The following GNG2 variants were observed in gnomAD, a reference collection of about 807,000 sequenced individuals.
GNG2 encodes guanine nucleotide-binding protein G(I)/G(S)/G(O) subunit gamma-2.
Under a neutral mutation model 5.5 loss-of-function variants are expected in GNG2, and 5 were observed. The ratio of observed to expected loss-of-function variants is 0.91; its 90% confidence interval spans 0.48 to 1.92. The LOEUF (loss-of-function observed/expected upper bound fraction) is 1.92. Among genes scored for constraint, GNG2 ranks in the 30% most tolerant of loss-of-function variants. GNG2 has a pLI of 0.01. For synonymous variants in GNG2, 28 were observed against 32.0 expected (o/e 0.88, Z 0.42); for missense variants, 55 against 88.4 (o/e 0.62, Z 1.52).
At chr14:51,904,671 T>C (rs1263869368) in intron 2 of GNG2, among the ~76,000 whole-genome samples, 2 of 152,194 alleles carry the variant, frequency 1.3e-5, no homozygotes, top group Non-Finnish European at 2.9e-5. Context: ...AATATTTTAA[T>C]ACCAAACTTC....
chr14:51,883,023 GAAAAAAAAA>G (rs777193660), intron 2 of GNG2, among the ~76,000 whole-genome samples: 3 of 127,226 alleles, frequency 2.4e-5, no homozygotes, highest in Admixed American at 8.1e-5. Context: ...AAAAAAAAAA[GAAAAAAAAA>G]AAGAAAAAAA....
chr14:51,944,785 A>G (rs1009814270), intron 2 of GNG2, among the ~76,000 whole-genome samples: 1 of 152,356 alleles, frequency 6.6e-6, no homozygotes, highest in Non-Finnish European at 1.5e-5. Flanking sequence ...AAATAGACAA[A>G]TTGGACTCCA....
intron 3 of GNG2, among the ~76,000 whole-genome samples, chr14:51,963,210 A>G (rs867603398): frequency 1.2e-4 from 19 of 152,226 alleles, no homozygotes; most frequent in African/African-American, 3.1e-4. Flanking sequence ...CACATAATAT[A>G]TTTTAAGAAG....
intron 2 of GNG2, among the ~76,000 whole-genome samples, chr14:51,880,057 A>G (rs1465610132): frequency 1.3e-5 from 2 of 152,198 alleles, no homozygotes; most frequent in African/African-American, 4.8e-5. Flanking sequence ...TACAGTTCTC[A>G]TTTTGTAGGT....
At chr14:51,832,231 G>A (rs375085767) in intron 2 of GNG2, among the ~76,000 whole-genome samples, 4 of 151,844 alleles carry the variant, frequency 2.6e-5, no homozygotes, top group South Asian at 4.1e-4. Context: ...AGTAAGCCAT[G>A]ATTGTGCCAC....
At chr14:51,952,373 T>G (rs909070574) in intron 3 of GNG2, among the ~76,000 whole-genome samples, 1 of 152,200 alleles carries the variant, frequency 6.6e-6, no homozygotes, top group Non-Finnish European at 1.5e-5. Context: ...CTTCTCCTCT[T>G]TTCTTGCTTC....
intron 2 of GNG2, among the ~76,000 whole-genome samples, chr14:51,935,724 G>A (rs1346917254): frequency 6.6e-6 from 1 of 151,080 alleles, no homozygotes; most frequent in Non-Finnish European, 1.5e-5. Context: ...CAGTTCTGCA[G>A]GCCGTTGTAG....
intron 2 of GNG2, among the ~76,000 whole-genome samples, chr14:51,847,720 G>A (rs771015256): frequency 2.6e-5 from 4 of 152,038 alleles, no homozygotes; most frequent in East Asian, 3.9e-4. Flanking sequence ...TTAGCTCCTG[G>A]ATTTATTTAG....
chr14:51,954,179 T>C (rs939429290), intron 3 of GNG2, among the ~76,000 whole-genome samples: 1 of 152,182 alleles, frequency 6.6e-6, no homozygotes, highest in African/African-American at 2.4e-5. Flanking sequence ...TCACAGACCC[T>C]GGGAGATTTG....
intron 2 of GNG2, among the ~76,000 whole-genome samples, chr14:51,937,934 C>A (rs965395985): frequency 2.0e-5 from 3 of 152,100 alleles, no homozygotes; most frequent in Non-Finnish European, 2.9e-5. Context: ...GCTAGGCTTG[C>A]AAGTTTATTC....
intron 3 of GNG2, 137 bp downstream of exon 3, chr14:51,950,902 C>T (rs755245524): frequency 1.3e-5 from 6 of 464,174 alleles, no homozygotes; most frequent in South Asian, 5.9e-5. Flanking sequence ...TCATTTCTAA[C>T]GTGTCTTTCC....
At chr14:51,827,744 A>T in exon 2 of GNG2, 1 of 701,868 alleles carries the variant, frequency 1.4e-6, no homozygotes, top group Non-Finnish European at 2.6e-6. Context: ...GTCTAGGGGC[A>T]TGCAGGGGAA....
At chr14:51,877,024 C>G (rs947568907) in intron 1 of GNG2, among the ~76,000 whole-genome samples, 1 of 152,142 alleles carries the variant, frequency 6.6e-6, no homozygotes, top group Non-Finnish European at 1.5e-5. Flanking sequence ...GGCCACTCTG[C>G]CTGATAGCCA....
rs1056601610 is a variant in GNG2, at chr14:51,827,763, C to T, written c.20C>T (p.Pro7Leu). 8 of 700,780 alleles carry T rather than the reference C, an allele frequency of 1.1e-5. No homozygotes were observed. The African/African-American group carries it at 1.4e-4, about 12-fold the overall frequency. The allele number at this position is 700,780 out of a possible 1,614,324, so 43.4% of individuals were successfully genotyped here. ...AGGGGCATGCAGGGGAAATTGCAAC[C>T]TCCAATGGAAAGAGAAGCAAGAGAT... Residue 7 changes from proline to leucine, a missense_variant, in exon 2 of 4, where the codon CCT becomes CTT. Pro to Leu is a moderately conservative substitution (Grantham distance 98). Transcript: ENST00000553432.
chr14:51,912,016 A>G (rs35213821), intron 2 of GNG2, among the ~76,000 whole-genome samples: 18,256 of 147,706 alleles, frequency 0.12, 3,233 homozygotes, highest in African/African-American at 0.3. Flanking sequence ...TACTCTTCAC[A>G]AGCTCCCAGG....
intron 2 of GNG2, among the ~76,000 whole-genome samples, chr14:51,847,888 T>C (rs915293796): frequency 4.1e-5 from 6 of 146,200 alleles, no homozygotes; most frequent in African/African-American, 1.5e-4. Flanking sequence ...TTTCTTTTTT[T>C]TTTTTTTTTT....
chr14:51,915,781 T>A (rs1212974461), intron 2 of GNG2, among the ~76,000 whole-genome samples: 1 of 152,234 alleles, frequency 6.6e-6, no homozygotes, highest in Non-Finnish European at 1.5e-5. Context: ...TGAATCACTT[T>A]TGCCTACATA....
At chr14:51,879,113 T>G (rs1445003599) in intron 2 of GNG2, among the ~76,000 whole-genome samples, 1 of 152,250 alleles carries the variant, frequency 6.6e-6, no homozygotes, top group Non-Finnish European at 1.5e-5. Context: ...ACCGTGTCTT[T>G]GCACACAAAT....
At chr14:51,863,264 C>A (rs1330818306) in intron 1 of GNG2, among the ~76,000 whole-genome samples, 6 of 152,206 alleles carry the variant, frequency 3.9e-5, no homozygotes, top group African/African-American at 1.4e-4. Flanking sequence ...CCTTTGAAAC[C>A]TATTACTGGT....
Sources: gnomAD v4.1 joint callset for allele counts (sites outside exome capture counted in the v4.1 genomes callset) on GRCh38, gnomAD v4.1.1 for gene constraint, MANE v1.5 for transcripts, NCBI Gene and HGNC (gene_info 2026-07-23, HGNC 2026-07-21) for gene names.